Variants in RASA2 observed in about 807,000 individuals in gnomAD.
The protein encoded by RASA2 is RAS p21 protein activator 2.
RASA2 carries 155 observed loss-of-function variants against 118.2 expected under a neutral mutation model. That is an observed-to-expected ratio of 1.31 (90% CI 1.15 to 1.50). The LOEUF is 1.50. Ranked by LOEUF, RASA2 falls within the 40% of genes most tolerant of loss-of-function variation. The pLI, the probability that RASA2 is intolerant of heterozygous loss-of-function variation, is 0.00. For missense variants in RASA2, 1,016 were observed against 1,009.6 expected, an observed-to-expected ratio of 1.01 and a Z score of -0.09; for synonymous variants, 353 against 349.1, an observed-to-expected ratio of 1.01 and a Z score of -0.12.
chr3:141,600,011 G>A (rs771805049), intron 19 of RASA2, among the ~76,000 whole-genome samples: 13 of 152,190 alleles, frequency 8.5e-5, no homozygotes, highest in Non-Finnish European at 1.5e-4. Context: ...CTACATAAGT[G>A]TGTGGAAGTT....
chr3:141,505,813 A>G (rs572469243), intron 1 of RASA2, among the ~76,000 whole-genome samples: 1 of 152,008 alleles, frequency 6.6e-6, no homozygotes, highest in Non-Finnish European at 1.5e-5. Flanking sequence ...AAAGGTAACT[A>G]GCAACATTGT....
At chr3:141,505,974 A>G (rs1304201134) in intron 1 of RASA2, among the ~76,000 whole-genome samples, 1 of 152,210 alleles carries the variant, frequency 6.6e-6, no homozygotes, top group Non-Finnish European at 1.5e-5. Flanking sequence ...TAGTGGGAAG[A>G]TGTTCTTGGC....
chr3:141,526,913 G>T (rs1303503349), intron 3 of RASA2, among the ~76,000 whole-genome samples: 2 of 152,204 alleles, frequency 1.3e-5, no homozygotes, highest in African/African-American at 4.8e-5. Flanking sequence ...GCTTGCTTTA[G>T]AATATATTAC....
At chr3:141,554,083 G>A (rs1325835911) in intron 6 of RASA2, 143 bp downstream of exon 6, 7 of 1,381,448 alleles carry the variant, frequency 5.1e-6, no homozygotes, top group Non-Finnish European at 1.9e-6. Context: ...TCTTTAGTGA[G>A]TTCTATTATA....
At chr3:141,491,875 A>C (rs2081643666) in intron 1 of RASA2, among the ~76,000 whole-genome samples, 1 of 152,236 alleles carries the variant, frequency 6.6e-6, no homozygotes, top group Non-Finnish European at 1.5e-5. Flanking sequence ...GGTTTGAATA[A>C]AACCGTCTAT....
At chr3:141,571,259 A>G (rs2082914994) in intron 10 of RASA2, 147 bp from the exon 11 acceptor site, 5 of 1,264,790 alleles carry the variant, frequency 4.0e-6, no homozygotes, top group South Asian at 1.5e-5. Context: ...TGCTCCCACA[A>G]TCATCTCTGA....
intron 9 of RASA2, among the ~76,000 whole-genome samples, chr3:141,566,550 A>C (rs1405575537): frequency 6.6e-6 from 1 of 152,232 alleles, no homozygotes; most frequent in African/African-American, 2.4e-5. Flanking sequence ...AACAAACTGT[A>C]GAAAAACATT....
At chr3:141,538,454 A>G (rs1172787492) in intron 4 of RASA2, among the ~76,000 whole-genome samples, 1 of 152,078 alleles carries the variant, frequency 6.6e-6, no homozygotes, top group African/African-American at 2.4e-5. Context: ...TCTTCTATCA[A>G]CATTTTGGTA....
intron 18 of RASA2, 126 bp from the exon 19 acceptor site, chr3:141,586,520 A>T: frequency 1.7e-6 from 1 of 605,444 alleles, no homozygotes; most frequent in Non-Finnish European, 2.7e-6. Flanking sequence ...GATAGCAAAA[A>T]CATTTTTATA....
chr3:141,600,609 A>G (rs2083448421), intron 19 of RASA2: 1 of 187,652 alleles, frequency 5.3e-6, no homozygotes, highest in Non-Finnish European at 1.1e-5. Context: ...CAAAGAGAGC[A>G]AGGGCAAGCG....
chr3:141,580,294 T>C (rs1046959792), intron 15 of RASA2, 74 bp from the exon 16 acceptor site: 25 of 1,132,656 alleles, frequency 2.2e-5, no homozygotes, highest in East Asian at 4.8e-5. Flanking sequence ...GTAGTCCATT[T>C]ACTCTATTCT....
intron 1 of RASA2, among the ~76,000 whole-genome samples, chr3:141,493,389 C>T (rs1226554399): frequency 1.3e-5 from 2 of 152,168 alleles, no homozygotes; most frequent in Non-Finnish European, 2.9e-5. Flanking sequence ...TGGTCTACCT[C>T]AGCTATTTTC....
At chr3:141,497,185 G>A (rs1428569177) in intron 1 of RASA2, among the ~76,000 whole-genome samples, 4 of 116,588 alleles carry the variant, frequency 3.4e-5, no homozygotes, top group Admixed American at 9.8e-5. Flanking sequence ...GGAGAGGGGA[G>A]GGGGGAGGGA....
rs1280707609 is a variant in RASA2, at chr3:141,554,431, G to A, written c.611+491G>A. On this transcript the variant is annotated intron_variant, in intron 6 of 23. Transcript: ENST00000286364. ...TTCCAACTGTAGAAAAACTGCTGAA[G>A]TACTAGAGCATGGCAAAGTGTACCA... 2.0e-5 allele frequency among the ~76,000 whole-genome samples: 3 copies of A among 152,162 alleles called. No individual in the cohort carries two copies. The East Asian group carries it at 5.8e-4, about 29-fold the overall frequency.
chr3:141,529,913 C>A, intron 4 of RASA2, 111 bp downstream of exon 4: 1 of 791,310 alleles, frequency 1.3e-6, no homozygotes, highest in East Asian at 2.6e-5. Context: ...ATTTTAAATT[C>A]TAGCATCAAA....
intron 2 of RASA2, among the ~76,000 whole-genome samples, chr3:141,515,453 T>A (rs1344266056): frequency 5.3e-5 from 8 of 152,174 alleles, no homozygotes; most frequent in Admixed American, 5.2e-4. Context: ...TGAAAAGCTA[T>A]TTGTTCAGAA....
intron 22 of RASA2, 121 bp from the exon 23 acceptor site, chr3:141,609,756 T>G (rs1362985989): frequency 1.1e-6 from 1 of 952,198 alleles, no homozygotes; most frequent in South Asian, 2.2e-5. Context: ...TTTAGTTATC[T>G]CGGCTCTGCC....
chr3:141,598,070 A>G (rs753244795), intron 19 of RASA2, among the ~76,000 whole-genome samples: 24 of 152,200 alleles, frequency 1.6e-4, no homozygotes, highest in Non-Finnish European at 3.1e-4. Context: ...TGTCCTAAAA[A>G]AGAATGCCAG....
intron 1 of RASA2, among the ~76,000 whole-genome samples, chr3:141,489,985 G>A (rs1389422610): frequency 1.4e-5 from 2 of 146,634 alleles, no homozygotes; most frequent in East Asian, 4.0e-4. Context: ...TTTTTTTGCC[G>A]GGGGGCTGGG....
Sources: gnomAD v4.1 joint callset for allele counts (sites outside exome capture counted in the v4.1 genomes callset) on GRCh38, gnomAD v4.1.1 for gene constraint, MANE v1.5 for transcripts, NCBI Gene and HGNC (gene_info 2026-07-23, HGNC 2026-07-21) for gene names.